ITGAD: variants seen among roughly 807,000 people sequenced by gnomAD.
ITGAD encodes the protein integrin alpha-D.
Under a neutral mutation model 139.0 loss-of-function variants are expected in ITGAD, and 105 were observed. The ratio of observed to expected loss-of-function variants is 0.76; its 90% CI spans 0.65 to 0.89. ITGAD has a LOEUF of 0.89. ITGAD is among the 40% of genes least tolerant of loss of function. The pLI is 0.00. For missense variants in ITGAD, 1,384 were observed against 1,487.3 expected, an observed-to-expected ratio of 0.93 and a Z score of 1.14; for synonymous variants, 569 against 598.3, an observed-to-expected ratio of 0.95 and a Z score of 0.71.
Position 31,423,456 on chromosome 16 carries a change from T to C in ITGAD, c.2964T>C (p.Ser988=), listed in dbSNP as rs1238957053. ...AVWDVVMEAP[S]QSLPCVSERK... ...GGGATGTGGTCATGGAGGCCCCATCTCAGGTACCCGCCTATCTCTCCTCTT... is the reference window on the plus strand; with the variant it reads ...GGGATGTGGTCATGGAGGCCCCATCCCAGGTACCCGCCTATCTCTCCTCTT... The change falls in exon 25 of 30, where the codon TCT becomes TCC. Residue 988 remains serine (S), a synonymous_variant. Coordinates refer to ENST00000389202, the MANE Select transcript of ITGAD (RefSeq NM_005353.3). 1 of 1,613,324 alleles carries C rather than the reference T, an allele frequency of 6.2e-7. No homozygotes were observed. Among genetic ancestry groups the C allele is most frequent in the South Asian group, 1.1e-5 (1 of 91,064 alleles).
intron 26 of ITGAD, 36 bp downstream of exon 26, chr16:31,423,684 G>A (rs1178256815): frequency 2.5e-6 from 4 of 1,584,914 alleles, no homozygotes; most frequent in Non-Finnish European, 3.5e-6. Flanking sequence ...GCCAAGATCA[G>A]CCCCCACCGG....
At position 31,426,113 on chromosome 16, in the gene ITGAD, T is replaced by C. The variant is rs554915532; in HGVS notation, c.3471T>C (p.Asn1157=). Residue 1157 remains asparagine, a synonymous_variant, in exon 30 of 30, where the codon AAT becomes AAC. Coordinates refer to ENST00000389202, the MANE Select transcript of ITGAD (RefSeq NM_005353.3). ...SGDDFSCVAP[N]VPLS ...ACGATTTCAGCTGTGTGGCCCCAAA[T>C]GTGCCTTTGTCCTAATAATCCACTT... The C allele has an allele frequency of 6.2e-7, 1 of 1,609,862 alleles. No homozygotes were observed. Among genetic ancestry groups the C allele is most frequent in the Admixed American group, 1.7e-5 (1 of 59,980 alleles).
At chr16:31,418,775 C>T (rs1480637593) in intron 23 of ITGAD, among the ~76,000 whole-genome samples, 4 of 152,220 alleles carry the variant, frequency 2.6e-5, no homozygotes, top group African/African-American at 4.8e-5. Context: ...AACCCCAGCA[C>T]TTTGGGAGGC....
chr16:31,418,500 A>G lies in ITGAD; in HGVS notation c.2716A>G (p.Ser906Gly), dbSNP rs371323738. ...CTCCAGTGAGAACAATAAGGCTTCAAGCAGCAAGGCCACCTTCCAGCTGGA... is the reference window on the plus strand; with the variant it reads ...CTCCAGTGAGAACAATAAGGCTTCAGGCAGCAAGGCCACCTTCCAGCTGGA... ...SASSENNKAS[S>G]SKATFQLELP... Residue 906 changes from serine (S) to glycine (G), a missense_variant, in exon 23 of 30, where the codon AGC (serine) becomes GGC (glycine). Ser to Gly is a moderately conservative substitution (Grantham distance 56). Transcript: ENST00000389202. The G allele has an allele frequency of 6.2e-7, 1 of 1,614,016 alleles. No individual in the cohort carries two copies. Among genetic ancestry groups the G allele is most frequent in the African/African-American group, 1.3e-5 (1 of 75,012 alleles).
Position 31,403,568 on chromosome 16 carries a change from G to A in ITGAD, c.627G>A (p.Pro209=), listed in dbSNP as rs747050496. 6.8e-6 allele frequency: 11 copies of A among 1,614,046 alleles called. No individual in the cohort carries two copies. Among genetic ancestry groups the A allele is most frequent in the Non-Finnish European group, 9.3e-6 (11 of 1,180,046 alleles). Residue 209 remains proline (P), a synonymous_variant, in exon 7 of 30, where the codon CCG becomes CCA. Coordinates refer to ENST00000389202, the MANE Select transcript of ITGAD (RefSeq NM_005353.3). The surrounding 1 kb of genome is among the most constrained non-coding windows in gnomAD (Gnocchi z 4.4). The part of the protein sequence containing the change: ...HFTFTQFRTS[P]SQQSLVDPIV... ...CCTTCACCCAATTCCGGACCAGCCC[G>A]AGCCAGCAGAGCCTGGTGGATCCCA...
At chr16:31,399,091 C>G (rs1276632373) in intron 5 of ITGAD, among the ~76,000 whole-genome samples, 1 of 152,180 alleles carries the variant, frequency 6.6e-6, no homozygotes, top group Admixed American at 6.5e-5. Context: ...AGAACAGGGC[C>G]TGGGGACACC....
In ITGAD at chr16:31,423,665, AC is replaced by A. The variant is rs769553781; in HGVS notation, c.3045+22del. On this transcript the variant is annotated intron_variant, in intron 26 of 29. Transcript: ENST00000389202. ...CCCATGCTGGTGAGAAAGTCCCTGA[AC>A]CCCCACCGCCAAGATCAGCCCCCAC... is the stretch of plus-strand genomic sequence containing the variant. 27 of 1,607,788 alleles carry A rather than the reference AC, an allele frequency of 1.7e-5. No individual in the cohort carries two copies. The highest frequency in any genetic ancestry group is 1.7e-4 in the Middle Eastern group (1 of 5,990).
At chr16:31,419,767 C>T (rs185111971) in intron 23 of ITGAD, among the ~76,000 whole-genome samples, 4 of 142,964 alleles carry the variant, frequency 2.8e-5, no homozygotes, top group East Asian at 2.1e-4. Context: ...GCTGAGATCG[C>T]GCTGCTGCAT....
chr16:31,398,145 A>G (rs1022583399), intron 5 of ITGAD, among the ~76,000 whole-genome samples: 1 of 152,112 alleles, frequency 6.6e-6, no homozygotes, highest in Non-Finnish European at 1.5e-5. Flanking sequence ...TGCCAGGCAC[A>G]GTGGCTCAGG....
chr16:31,413,869 TC>T (rs146291740), intron 16 of ITGAD, among the ~76,000 whole-genome samples: 3,345 of 152,318 alleles, frequency 0.022, 57 homozygotes, highest in Non-Finnish European at 0.03. Flanking sequence ...CCATGGTCCA[TC>T]CGGGATGGCA....
Position 31,424,485 on chromosome 16 carries a change from G to A in ITGAD, c.3280G>A (p.Glu1094Lys), listed in dbSNP as rs2082072601. The A allele has an allele frequency of 1.2e-6, 2 of 1,613,722 alleles. No individual in the cohort carries two copies. Among genetic ancestry groups the A allele is most frequent in the East Asian group, 2.2e-5 (1 of 44,884 alleles). The part of the protein sequence containing the change: ...MRAQMEMVLE[E>K]DEVYNAIPII... ...AAATCAGATGGAGATGGTGCTAGAAGAAGACGAGGTCTACAATGCCATTCC... is the reference window on the plus strand; with the variant it reads ...AAATCAGATGGAGATGGTGCTAGAAAAAGACGAGGTCTACAATGCCATTCC... Residue 1094 changes from glutamate to lysine, a missense_variant, in exon 29 of 30, where the codon GAA (glutamate) becomes AAA (lysine). Coordinates refer to ENST00000389202, the MANE Select transcript of ITGAD (RefSeq NM_005353.3).
chr16:31,414,443 C>A lies in ITGAD; in HGVS notation c.1997-8C>A. The A allele has an allele frequency of 1.9e-6, 3 of 1,613,236 alleles. No individual in the cohort carries two copies. The highest frequency in any genetic ancestry group is 2.5e-6 in the Non-Finnish European group (3 of 1,179,330). On this transcript the variant is annotated splice_polypyrimidine_tract_variant and splice_region_variant and intron_variant, in intron 16 of 29. Transcript: ENST00000389202. ...CCTTTTCATTTTGCACTCTCCCCTG[C>A]ACTTCAGGTGACATCCAAAGCTCTG...
chr16:31,412,899 G>T lies in ITGAD; in HGVS notation c.1769G>T (p.Gly590Val), dbSNP rs755131137. ...LQYFGQALSG[G>V]QDLTQDGLMD... ...TATTTTGGGCAGGCGCTGAGTGGGG[G>T]TCAGGACCTCACCCAGGATGGACTG... is the stretch of plus-strand genomic sequence containing the variant. The change falls in exon 15 of 30, where the codon GGT becomes GTT. Residue 590 changes from glycine (G) to valine (V), a missense_variant. Transcript: ENST00000389202. 6.2e-7 allele frequency: 1 copy of T among 1,614,050 alleles called. No individual in the cohort carries two copies. The highest frequency in any genetic ancestry group is 1.1e-5 in the South Asian group (1 of 91,078).
chr16:31,423,668 C>G lies in ITGAD; in HGVS notation c.3045+20C>G. The G allele has an allele frequency of 6.2e-7, 1 of 1,606,352 alleles. No individual in the cohort carries two copies. The highest frequency in any genetic ancestry group is 8.5e-7 in the Non-Finnish European group (1 of 1,174,014). The stretch of plus-strand genomic sequence containing the variant: ...ATGCTGGTGAGAAAGTCCCTGAACC[C>G]CCACCGCCAAGATCAGCCCCCACCG... On this transcript the variant is annotated intron_variant, in intron 26 of 29. Transcript: ENST00000389202.
At chr16:31,412,508 G>A (rs2081753834) in intron 14 of ITGAD, among the ~76,000 whole-genome samples, 1 of 151,928 alleles carries the variant, frequency 6.6e-6, no homozygotes, top group Non-Finnish European at 1.5e-5. Context: ...TTGCTGGAAA[G>A]ATGAGCAAAC....
chr16:31,420,421 G>A (rs1182436023), intron 23 of ITGAD, among the ~76,000 whole-genome samples: 2 of 151,350 alleles, frequency 1.3e-5, no homozygotes, highest in Admixed American at 6.6e-5. Flanking sequence ...TTTTTTAGAC[G>A]GAATCTCACT....
At position 31,417,210 on chromosome 16, in the gene ITGAD, ATATTTATT is replaced by A. The variant is rs201764894; in HGVS notation, c.2499+602_2499+609del. 2.3e-3 allele frequency among the ~76,000 whole-genome samples: 281 copies of A among 122,826 alleles called. 3 individuals are homozygous for A. The highest frequency in any genetic ancestry group is 8.7e-3 in the East Asian group (36 of 4,146). The allele number at this position is 122,826 out of a possible 152,430, so 80.6% of individuals were successfully genotyped here. A position where few individuals can be genotyped will look rare whatever the true frequency, so the allele number is the denominator to read the frequency against. ...AGGTGCATGCCACTACGCCCAGCTA[ATATTTATT>A]TATTTATTTATTTATTTATTTATTT... On this transcript the variant is annotated intron_variant, in intron 20 of 29. Transcript: ENST00000389202.
chr16:31,397,967 C>T (rs1245452279), intron 5 of ITGAD, 58 bp downstream of exon 5: 1 of 1,336,452 alleles, frequency 7.5e-7, no homozygotes, highest in Middle Eastern at 1.8e-4. Context: ...TGAGGGTGAG[C>T]AGGCGTGAGG....
Position 31,411,215 on chromosome 16 carries a change from G to A in ITGAD, c.1496G>A (p.Gly499Glu). 1 of 1,613,348 alleles carries A rather than the reference G, an allele frequency of 6.2e-7. No homozygotes were observed. Among genetic ancestry groups the A allele is most frequent in the Non-Finnish European group, 8.5e-7 (1 of 1,179,556 alleles). ...GQVSVCPLPRGRVQWQCDAVL... is the reference protein window; with the variant it reads ...GQVSVCPLPRERVQWQCDAVL... ...GTGTCCGTGTGTCCCTTGCCTAGGG[G>A]GGTGAGTGGCTGATGGGACCTAGGC... Residue 499 changes from glycine to glutamate, a missense_variant and splice_region_variant, in exon 13 of 30, where the codon GGG becomes GAG. By Grantham distance (98) the Gly-to-Glu change is moderately conservative (BLOSUM62 -2). Coordinates refer to ENST00000389202, the MANE Select transcript of ITGAD (RefSeq NM_005353.3).
Sources: gnomAD v4.1 joint callset for allele counts (sites outside exome capture counted in the v4.1 genomes callset) on GRCh38, gnomAD v4.1.1 for gene constraint, Gnocchi (gnomAD v3.1) non-coding constraint, MANE v1.5 for transcripts, NCBI Gene and HGNC (gene_info 2026-07-23, HGNC 2026-07-21) for gene names.